S100A16: variants seen among roughly 807,000 people sequenced by gnomAD.
S100A16 encodes the protein S100 calcium binding protein A16, also known as protein S100-A16.
In S100A16, 8 loss-of-function variants were observed where a neutral mutation model predicts 9.0. The observed-to-expected ratio is 0.89, with a 90% CI of 0.52 to 1.60. The LOEUF (loss-of-function observed/expected upper bound fraction) is 1.60, where lower values mean the gene tolerates loss of function less well. S100A16 is among the 40% of genes most tolerant of loss of function. The pLI, the probability that S100A16 is intolerant of heterozygous loss-of-function variation, is 0.00. For missense variants in S100A16, 138 were observed against 132.4 expected (o/e 1.04, Z -0.21); for synonymous variants, 51 against 51.4 (o/e 0.99, Z 0.04).
At chr1:153,609,072 A>T (rs1209213059) in intron 1 of S100A16, 7 of 985,562 alleles carry the variant, frequency 7.1e-6, no homozygotes, top group Non-Finnish European at 8.4e-6. Flanking sequence ...ATCTGGATCT[A>T]CTCTGTGAGT....
Position 153,609,180 on chromosome 1 carries a change from G to C in S100A16, c.-26-1003C>G, listed in dbSNP as rs577960481. 5 of 984,722 alleles carry C rather than the reference G, an allele frequency of 5.1e-6. No homozygotes were observed. In the African/African-American group the frequency reaches 7.0e-5, roughly 14 times the overall value. The allele number at this position is 984,722 out of a possible 1,614,324, so 61.0% of individuals were successfully genotyped here. ...GAATGTGCTCCAGTCACCCTCACCCGGCGGGTCCTGGTGAAAGGAGATGGA... is the reference window on the plus strand; with the variant it reads ...GAATGTGCTCCAGTCACCCTCACCCCGCGGGTCCTGGTGAAAGGAGATGGA... On this transcript the variant is annotated intron_variant, in intron 1 of 2. Transcript: ENST00000368706.
At chr1:153,609,057 G>A (rs1475364367) in intron 1 of S100A16, 1 of 985,618 alleles carries the variant, frequency 1.0e-6, no homozygotes, top group Non-Finnish European at 1.2e-6. Context: ...GAGGGGAGCA[G>A]GCGGATCTGG....
Position 153,607,433 on chromosome 1 carries a change from G to A in S100A16, c.*101C>T. On this transcript the variant is annotated 3_prime_UTR_variant, in exon 3 of 3. Coordinates refer to ENST00000368706, the MANE Select transcript of S100A16 (RefSeq NM_080388.3). Reference sequence around the variant, plus strand: ...GAGGAAGGTCTGGAGGGAGAAGAGAGTAAAGGGCCCTGGGTGGGCAGGAGG... The same window carrying A: ...GAGGAAGGTCTGGAGGGAGAAGAGAATAAAGGGCCCTGGGTGGGCAGGAGG... 3.5e-6 allele frequency: 5 copies of A among 1,412,536 alleles called. No individual in the cohort carries two copies. Among genetic ancestry groups the A allele is most frequent in the African/African-American group, 1.4e-5 (1 of 71,162 alleles). 87.5% of individuals were successfully genotyped at this position (1,412,536 alleles called of 1,614,324 possible). A position where few individuals can be genotyped will look rare whatever the true frequency, so the allele number is the denominator to read the frequency against.
At chr1:153,607,833 C>T in intron 2 of S100A16, 141 bp from the exon 3 acceptor site, 26 of 1,241,876 alleles carry the variant, frequency 2.1e-5, no homozygotes, top group Non-Finnish European at 2.8e-5. Flanking sequence ...CTGGCTAGGC[C>T]TAAGCATCCT....
In S100A16 at chr1:153,607,654, C is replaced by T; in HGVS notation, c.192G>A (p.Gln64=). 1 of 1,614,204 alleles carries T rather than the reference C, an allele frequency of 6.2e-7. No individual in the cohort carries two copies. The highest frequency in any genetic ancestry group is 1.7e-5 in the Admixed American group (1 of 60,024). Reference sequence around the variant, plus strand: ...GCCCATCATGATTGGCATCCAGGTTCTGGATGAGCTTATCCGCAGCCTTCC... The same window carrying T: ...GCCCATCATGATTGGCATCCAGGTTTTGGATGAGCTTATCCGCAGCCTTCC... The part of the protein sequence containing the change: ...GNRKAADKLI[Q]NLDANHDGRI... Residue 64 remains glutamine (Q), a synonymous_variant, in exon 3 of 3, where the codon CAG becomes CAA. Transcript: ENST00000368706.
rs749518324 is a variant in S100A16 at position 153,607,094 on chromosome 1, TCTGCTG to T, written c.*434_*439del. The T allele has an allele frequency of 2.2e-3, 968 of 440,416 alleles. 10 individuals are homozygous for T. The highest frequency in any genetic ancestry group is 0.017 in the African/African-American group (863 of 49,400). 27.3% of individuals were successfully genotyped at this position (440,416 alleles called of 1,614,324 possible). ...GGGGCTAAGGGAAAGTGGAGAGGTC[TCTGCTG>T]CTGCTGCTGCTGCTGCTGCTGCTGT... On this transcript the variant is annotated 3_prime_UTR_variant, in exon 3 of 3. Transcript: ENST00000368706.
At chr1:153,611,915 TCTCACA>T (rs903307317) in intron 1 of S100A16, among the ~76,000 whole-genome samples, 15 of 79,712 alleles carry the variant, frequency 1.9e-4, no homozygotes, top group African/African-American at 5.5e-4. Flanking sequence ...TTTGTCTCTC[TCTCACA>T]CACACACACA....
At chr1:153,609,774 G>A (rs1225091164) in intron 1 of S100A16, among the ~76,000 whole-genome samples, 1 of 152,140 alleles carries the variant, frequency 6.6e-6, no homozygotes, top group Non-Finnish European at 1.5e-5. Flanking sequence ...AACGGGTATT[G>A]CACGTCCTTG....
At position 153,608,036 on chromosome 1, in the gene S100A16, C is replaced by T. The variant is rs368887180; in HGVS notation, c.116G>A (p.Arg39His). Residue 39 changes from arginine (R) to histidine (H), a missense_variant, in exon 2 of 3, where the codon CGC (arginine) becomes CAC (histidine). Coordinates refer to ENST00000368706, the MANE Select transcript of S100A16 (RefSeq NM_080388.3). ...GTTCAGCTCTTTCTGGAGCATCTCG[C>T]GGAAGCTGCTCTTGCTGATCTTGTT... ...VKNKISKSSFREMLQKELNHM... is the reference protein window; with the variant it reads ...VKNKISKSSFHEMLQKELNHM... The T allele has an allele frequency of 7.4e-6, 12 of 1,613,922 alleles. No individual in the cohort carries two copies. The highest frequency in any genetic ancestry group is 2.2e-5 in the South Asian group (2 of 91,094).
rs752117395 is a variant in S100A16 at position 153,608,196 on chromosome 1, G to A, written c.-26-19C>T. On this transcript the variant is annotated intron_variant, in intron 1 of 2. Transcript: ENST00000368706. ...GCGGGGCCTGGACACCAGGAGGAGGGGAGATGAGAAGAGACACCCACAGGC... is the reference window on the plus strand; with the variant it reads ...GCGGGGCCTGGACACCAGGAGGAGGAGAGATGAGAAGAGACACCCACAGGC... 3.7e-6 allele frequency: 6 copies of A among 1,605,514 alleles called. No homozygotes were observed. Among genetic ancestry groups the A allele is most frequent in the South Asian group, 3.3e-5 (3 of 90,312 alleles).
Position 153,607,704 on chromosome 1 carries a change from G to C in S100A16, c.154-12C>G. On this transcript the variant is annotated splice_polypyrimidine_tract_variant and intron_variant, in intron 2 of 2. Coordinates refer to ENST00000368706, the MANE Select transcript of S100A16 (RefSeq NM_080388.3). Reference sequence around the variant, plus strand: ...CGGTTCCCTGTGTCCTGGGGAGGAAGCAGGGTCAGCAATGCTGATGGTGGA... The same window carrying C: ...CGGTTCCCTGTGTCCTGGGGAGGAACCAGGGTCAGCAATGCTGATGGTGGA... The C allele has an allele frequency of 6.2e-7, 1 of 1,614,102 alleles. No homozygotes were observed.
intron 2 of S100A16, 147 bp downstream of exon 2, chr1:153,607,852 A>G: frequency 2.5e-6 from 3 of 1,190,008 alleles, no homozygotes; most frequent in Non-Finnish European, 3.6e-6. Flanking sequence ...CTGAGAAGAC[A>G]GAGGCCTGGG....
intron 1 of S100A16, among the ~76,000 whole-genome samples, chr1:153,611,912 C>CTT (rs1333252106): frequency 2.3e-5 from 3 of 130,036 alleles, no homozygotes; most frequent in Admixed American, 8.2e-5. Flanking sequence ...CTCTTTGTCT[C>CTT]TCTCTCACAC....
intron 1 of S100A16, among the ~76,000 whole-genome samples, chr1:153,610,991 G>C: frequency 6.6e-6 from 1 of 152,098 alleles, no homozygotes; most frequent in East Asian, 1.9e-4. Context: ...AGTGGACAGT[G>C]TACACAGGAG....
In S100A16 at chr1:153,607,455, G is replaced by A. The variant is rs1666717025; in HGVS notation, c.*79C>T. 34 of 1,555,436 alleles carry A rather than the reference G, an allele frequency of 2.2e-5. No individual in the cohort carries two copies. The highest frequency in any genetic ancestry group is 2.8e-5 in the Non-Finnish European group (32 of 1,131,690). On this transcript the variant is annotated 3_prime_UTR_variant, in exon 3 of 3. Coordinates refer to ENST00000368706, the MANE Select transcript of S100A16 (RefSeq NM_080388.3). ...AGAGTAAAGGGCCCTGGGTGGGCAG[G>A]AGGCTGAGGAGGGAGCCTGGGGAGA... is the stretch of plus-strand genomic sequence containing the variant.
Sources: allele counts gnomAD v4.1 joint callset (sites outside exome capture counted in the v4.1 genomes callset), GRCh38; gene constraint gnomAD v4.1.1; transcripts MANE v1.5; gene names NCBI Gene and HGNC (gene_info 2026-07-23, HGNC 2026-07-21).